Variants in SLC22A3 observed in about 807,000 individuals in gnomAD.
SLC22A3 encodes the protein EMT organic cation transporter 3.
A neutral mutation model predicts 59.1 loss-of-function variants in SLC22A3; 51 were observed. That is an observed-to-expected ratio of 0.86 (90% CI 0.69 to 1.09). The LOEUF is 1.09. Ranked by LOEUF, SLC22A3 falls within the 50% of genes least tolerant of loss-of-function variation. The pLI, the probability that SLC22A3 is intolerant of heterozygous loss-of-function variation, is 0.00. For missense variants in SLC22A3, 711 were observed against 726.3 expected (o/e 0.98, Z 0.24); for synonymous variants, 325 against 292.0 (o/e 1.11, Z -1.15).
In SLC22A3 at chr6:160,367,463, C is replaced by G. The variant is rs147566962; in HGVS notation, c.429+18615C>G. Among the ~76,000 whole-genome samples, 140 of 152,282 alleles carry G rather than the reference C, an allele frequency of 9.2e-4. 1 individual carries two copies. Among genetic ancestry groups the G allele is most frequent in the African/African-American group, 3.1e-3 (127 of 41,554 alleles). ...GTGGTTTCTTTTACTGAAGCATTTT[C>G]CCCTCCACTGCAACTTGCATACCTG... On this transcript the variant is annotated intron_variant, in intron 1 of 10. Transcript: ENST00000275300.
chr6:160,450,035 G>A (rs147098412), intron 10 of SLC22A3, among the ~76,000 whole-genome samples: 3 of 152,282 alleles, frequency 2.0e-5, no homozygotes, highest in South Asian at 4.1e-4. Flanking sequence ...ATGTTCAGCG[G>A]TGCATGTATT....
At chr6:160,395,401 G>T (rs775465264) in intron 1 of SLC22A3, among the ~76,000 whole-genome samples, 1 of 152,208 alleles carries the variant, frequency 6.6e-6, no homozygotes, top group Non-Finnish European at 1.5e-5. Context: ...GCTATTTGAA[G>T]TACAGATGGA....
At chr6:160,425,584 T>C (rs1787920252) in intron 5 of SLC22A3, among the ~76,000 whole-genome samples, 1 of 152,206 alleles carries the variant, frequency 6.6e-6, no homozygotes, top group Non-Finnish European at 1.5e-5. Flanking sequence ...TAACTATACT[T>C]ATTTTCATCA....
rs187061610 is a variant in SLC22A3 at position 160,404,962 on chromosome 6, C to T, written c.534-2079C>T. On this transcript the variant is annotated intron_variant, in intron 2 of 10. Transcript: ENST00000275300. ...TGTAAAATACAAAACTGTAAAACTCCTAGAGGATGGGATAGGAAAAAAATC... is the reference window on the plus strand; with the variant it reads ...TGTAAAATACAAAACTGTAAAACTCTTAGAGGATGGGATAGGAAAAAAATC... 3.3e-5 allele frequency among the ~76,000 whole-genome samples: 5 copies of T among 150,192 alleles called. No homozygotes were observed. The East Asian group carries it at 7.8e-4, about 23-fold the overall frequency.
chr6:160,401,391 A>G (rs1045277248), intron 2 of SLC22A3, among the ~76,000 whole-genome samples: 13 of 152,058 alleles, frequency 8.5e-5, no homozygotes, highest in African/African-American at 2.9e-4. Flanking sequence ...AAGCAAGAAG[A>G]AAGTGGAATA....
At chr6:160,354,644 A>G (rs1215218736) in intron 1 of SLC22A3, among the ~76,000 whole-genome samples, 2 of 152,158 alleles carry the variant, frequency 1.3e-5, no homozygotes, top group African/African-American at 4.8e-5. Flanking sequence ...ATACAAAAAT[A>G]TTTTAAAATT....
rs1037135969 is a variant in SLC22A3, at chr6:160,435,253, A to T, written c.976-1527A>T. On this transcript the variant is annotated intron_variant, in intron 5 of 10. Coordinates refer to ENST00000275300, the MANE Select transcript of SLC22A3 (RefSeq NM_021977.4). The stretch of plus-strand genomic sequence containing the variant: ...CAGTCTTCCACGGCGATTGTCATGG[A>T]AACTATTGTTTTGTTGACTCTAGAC... Among the ~76,000 whole-genome samples, 3 of 152,226 alleles carry T rather than the reference A, an allele frequency of 2.0e-5. No individual in the cohort carries two copies. The South Asian group carries it at 6.2e-4, about 32-fold the overall frequency.
chr6:160,358,297 T>A (rs1440141503), intron 1 of SLC22A3, among the ~76,000 whole-genome samples: 1 of 152,160 alleles, frequency 6.6e-6, no homozygotes, highest in Non-Finnish European at 1.5e-5. Context: ...CTTAGGTAAA[T>A]AAGGCATTCA....
In SLC22A3 at chr6:160,447,837, T is replaced by C; in HGVS notation, c.1610+19T>C. On this transcript the variant is annotated intron_variant, in intron 10 of 10. Transcript: ENST00000275300. ...TTGGCAGGTACTGTACAAAATTCAA[T>C]GCACCCTAAATAAAAGCAATATTTA... 6.4e-7 allele frequency: 1 copy of C among 1,560,672 alleles called. No homozygotes were observed. The highest frequency in any genetic ancestry group is 8.8e-7 in the Non-Finnish European group (1 of 1,131,288).
Position 160,446,975 on chromosome 6 carries a change from A to C in SLC22A3, c.1511-744A>C, listed in dbSNP as rs538294329. 1.6e-4 allele frequency among the ~76,000 whole-genome samples: 24 copies of C among 152,328 alleles called. No individual in the cohort carries two copies. In the South Asian group the frequency reaches 3.1e-3, roughly 20 times the overall value. ...CAGTGGGAGCATTTAAACCATGCAC[A>C]TTGGCAGATGCTGCCAATCAGGGCT... On this transcript the variant is annotated intron_variant, in intron 9 of 10. Transcript: ENST00000275300.
At chr6:160,450,426 C>A (rs373276441) in intron 10 of SLC22A3, among the ~76,000 whole-genome samples, 1 of 152,116 alleles carries the variant, frequency 6.6e-6, no homozygotes, top group East Asian at 1.9e-4. Context: ...CCCTGAAAAT[C>A]GCTGTTACTC....
At chr6:160,407,831 T>C (rs2114853483) in intron 3 of SLC22A3, among the ~76,000 whole-genome samples, 1 of 152,306 alleles carries the variant, frequency 6.6e-6, no homozygotes, top group East Asian at 1.9e-4. Context: ...GCCACTTACT[T>C]TAAGAGTAGT....
rs1787948409 is a variant in SLC22A3 at position 160,426,280 on chromosome 6, G to C, written c.976-10500G>C. ...TGACAAATTTGGAAGCACTGAAAAT[G>C]GAGGAAATTCCGAGATGACAGTGGT... On this transcript the variant is annotated intron_variant, in intron 5 of 10. Transcript: ENST00000275300. The C allele has an allele frequency of 3.0e-6, 3 of 985,250 alleles. No homozygotes were observed. In the South Asian group the frequency reaches 1.4e-4, roughly 46 times the overall value. The allele number at this position is 985,250 out of a possible 1,614,324, so 61.0% of individuals were successfully genotyped here.
intron 1 of SLC22A3, among the ~76,000 whole-genome samples, chr6:160,383,788 TA>T (rs1389441703): frequency 2.0e-5 from 3 of 150,358 alleles, no homozygotes; most frequent in African/African-American, 7.4e-5. Flanking sequence ...ATATATGTTT[TA>T]AAAAGCAAAA....
At chr6:160,411,345 A>C (rs1787241380) in intron 5 of SLC22A3, among the ~76,000 whole-genome samples, 1 of 151,882 alleles carries the variant, frequency 6.6e-6, no homozygotes, top group Admixed American at 6.6e-5. Flanking sequence ...CAGCCTCTAA[A>C]CTCCTATATG....
At chr6:160,362,699 G>A (rs1785057453) in intron 1 of SLC22A3, among the ~76,000 whole-genome samples, 2 of 152,228 alleles carry the variant, frequency 1.3e-5, no homozygotes, top group Non-Finnish European at 2.9e-5. Flanking sequence ...CGGAGGGGGA[G>A]AGGAGGAAGA....
Position 160,388,982 on chromosome 6 carries a change from T to C in SLC22A3, c.430-8997T>C, listed in dbSNP as rs180927058. Among the ~76,000 whole-genome samples, 247 of 152,292 alleles carry C rather than the reference T, an allele frequency of 1.6e-3. 2 individuals are homozygous for C. The Middle Eastern group carries it at 0.02, about 13-fold the overall frequency. On this transcript the variant is annotated intron_variant, in intron 1 of 10. Transcript: ENST00000275300. ...TAGGAAATGCAATAATCCAGACAAC[T>C]GGAGCTGCAGGGCACTGGCTGTCAG...
chr6:160,385,624 T>C (rs1238768978), intron 1 of SLC22A3, among the ~76,000 whole-genome samples: 1 of 152,170 alleles, frequency 6.6e-6, no homozygotes, highest in Non-Finnish European at 1.5e-5. Flanking sequence ...GCTGGACCCA[T>C]GGGCTCCTGC....
chr6:160,395,762 A>G (rs1406755665), intron 1 of SLC22A3, among the ~76,000 whole-genome samples: 4 of 152,210 alleles, frequency 2.6e-5, no homozygotes, highest in Non-Finnish European at 4.4e-5. Context: ...TGAGAAGCCA[A>G]CTACTACTGC....
Sources: allele counts gnomAD v4.1 joint callset (sites outside exome capture counted in the v4.1 genomes callset), GRCh38; gene constraint gnomAD v4.1.1; transcripts MANE v1.5; gene names NCBI Gene and HGNC (gene_info 2026-07-23, HGNC 2026-07-21).